Variants in ANKRD33B observed in about 807,000 individuals in gnomAD.
The protein encoded by ANKRD33B is ankyrin repeat domain-containing protein 33B.
ANKRD33B carries 6 observed loss-of-function variants against 21.5 expected under a neutral mutation model. The observed-to-expected ratio is 0.28, with a 90% CI of 0.15 to 0.55. The LOEUF (loss-of-function observed/expected upper bound fraction) is 0.55, where lower values mean the gene tolerates loss of function less well. Among genes scored for constraint, ANKRD33B ranks in the 20% least tolerant of loss-of-function variants. The pLI is 0.94. For synonymous variants in ANKRD33B, 347 were observed against 342.4 expected, an observed-to-expected ratio of 1.01 and a Z score of -0.15; for missense variants, 698 against 747.2, an observed-to-expected ratio of 0.93 and a Z score of 0.77.
rs1288184292 is a variant in ANKRD33B, at chr5:10,564,718, C to T, written c.251C>T (p.Pro84Leu). 5 of 1,533,446 alleles carry T rather than the reference C, an allele frequency of 3.3e-6. No homozygotes were observed. In the East Asian group the frequency reaches 1.2e-4, roughly 38 times the overall value. The allele number at this position is 1,533,446 out of a possible 1,614,324, so 95.0% of individuals were successfully genotyped here. ...CCGGAGGGCGTCCCGGAAAGCGTCC[C>T]GGAGACGGCGACCCTCCTGCGCGCC... The part of the protein sequence containing the change: ...SVPEGVPESV[P>L]ETATLLRAAC... Residue 84 changes from proline (P) to leucine (L), a missense_variant, in exon 1 of 4, where the codon CCG (proline) becomes CTG (leucine). Pro to Leu is a moderately conservative substitution (Grantham distance 98). Transcript: ENST00000296657.
At chr5:10,615,520 GAC>G (rs1736266061) in intron 1 of ANKRD33B, among the ~76,000 whole-genome samples, 3 of 152,184 alleles carry the variant, frequency 2.0e-5, no homozygotes, top group Admixed American at 1.3e-4. Context: ...CAGGAATTTT[GAC>G]ACAGAGTTAC....
Position 10,650,401 on chromosome 5 carries a change from A to G in ANKRD33B, c.*288A>G. 4.0e-6 allele frequency: 1 copy of G among 250,136 alleles called. No homozygotes were observed. Among genetic ancestry groups the G allele is most frequent in the Admixed American group, 5.5e-5 (1 of 18,066 alleles). 15.5% of individuals were successfully genotyped at this position (250,136 alleles called of 1,614,324 possible). ...CAATTAAGATTTTTTTTAAAGATCA[A>G]TTTATCAAAGGGCGTTTTCTCCGTA... On this transcript the variant is annotated 3_prime_UTR_variant, in exon 4 of 4. Coordinates refer to ENST00000296657, the MANE Select transcript of ANKRD33B (RefSeq NM_001164440.2).
intron 2 of ANKRD33B, among the ~76,000 whole-genome samples, chr5:10,636,036 A>C (rs1221853580): frequency 1.3e-5 from 2 of 152,282 alleles, no homozygotes; most frequent in East Asian, 3.9e-4. Context: ...CCGACCCCAG[A>C]GTGATGTCCT....
In ANKRD33B at chr5:10,649,945, G is replaced by A. The variant is rs1029188338; in HGVS notation, c.1317G>A (p.Glu439=). 4 of 1,529,172 alleles carry A rather than the reference G, an allele frequency of 2.6e-6. No individual in the cohort carries two copies. Among genetic ancestry groups the A allele is most frequent in the African/African-American group, 2.8e-5 (2 of 72,008 alleles). 94.7% of individuals were successfully genotyped at this position (1,529,172 alleles called of 1,614,324 possible). Residue 439 remains glutamate (E), a synonymous_variant, in exon 4 of 4, where the codon GAG becomes GAA. Transcript: ENST00000296657. ...SKAPAPTFQP[E]RPARKGSTKD... ...CGCCCGCGCCCACCTTCCAGCCCGA[G>A]CGGCCGGCGCGGAAGGGCAGCACCA...
intron 1 of ANKRD33B, among the ~76,000 whole-genome samples, chr5:10,577,412 C>T (rs1003584637): frequency 2.6e-5 from 4 of 152,226 alleles, no homozygotes; most frequent in Admixed American, 6.5e-5. Flanking sequence ...CGTGAGCCAC[C>T]GCGCCCGGCC....
intron 3 of ANKRD33B, 92 bp from the exon 4 acceptor site, chr5:10,649,173 TG>T: frequency 7.1e-7 from 1 of 1,410,592 alleles, no homozygotes; most frequent in East Asian, 2.6e-5. Flanking sequence ...GGGTGGGGGG[TG>T]GGGGCAGTTT....
At chr5:10,586,541 C>T (rs1264542608) in intron 1 of ANKRD33B, among the ~76,000 whole-genome samples, 1 of 142,790 alleles carries the variant, frequency 7.0e-6, no homozygotes, top group Non-Finnish European at 1.5e-5. Context: ...GTGTATACTG[C>T]TTTCTTCTCT....
intron 1 of ANKRD33B, among the ~76,000 whole-genome samples, chr5:10,573,113 T>G (rs955838859): frequency 2.6e-5 from 4 of 152,220 alleles, no homozygotes; most frequent in African/African-American, 9.6e-5. Flanking sequence ...TATCTCTGAC[T>G]TAGTAGAAAT....
At chr5:10,645,091 T>C (rs58403693) in intron 3 of ANKRD33B, among the ~76,000 whole-genome samples, 63,597 of 151,798 alleles carry the variant, frequency 0.42, 13,552 homozygotes, top group Middle Eastern at 0.55. Flanking sequence ...TGCTATGTGG[T>C]GGGGGTGGCT....
At position 10,649,805 on chromosome 5, in the gene ANKRD33B, TC is replaced by T; in HGVS notation, c.1180del (p.Arg394GlyfsTer182). 2 of 1,389,290 alleles carry T rather than the reference TC, an allele frequency of 1.4e-6. No individual in the cohort carries two copies. The highest frequency in any genetic ancestry group is 9.3e-7 in the Non-Finnish European group (1 of 1,077,790). 86.1% of individuals were successfully genotyped at this position (1,389,290 alleles called of 1,614,324 possible). A position where few individuals can be genotyped will look rare whatever the true frequency, so the allele number is the denominator to read the frequency against. ...AGCCGGCCTCCCTCCCGCCCTGGGG[TC>T]CCGGGGCCCCGCAGCGCCCGCCCCG... ...PRAGLPPALG[S>X]RGPAAPAPRK... On this transcript the variant is annotated frameshift_variant, in exon 4 of 4. Coordinates refer to ENST00000296657, the MANE Select transcript of ANKRD33B (RefSeq NM_001164440.2). LOFTEE classifies it high-confidence loss of function.
chr5:10,638,161 G>C lies in ANKRD33B; in HGVS notation c.630G>C (p.Met210Ile). Residue 210 changes from methionine (M) to isoleucine (I), a missense_variant, in exon 3 of 4, where the codon ATG (methionine) becomes ATC (isoleucine). Physicochemically the swap from Met to Ile is conservative, Grantham distance 10 (BLOSUM62 1). This residue lies in a region of ANKRD33B where 543 missense variants were observed against 566.5 expected (regional missense o/e 0.96). Coordinates refer to ENST00000296657, the MANE Select transcript of ANKRD33B (RefSeq NM_001164440.2). ...GAACGGACTGCATCCGAGCCCTGAT[G>C]CTAGCAGGTATGTCCACCTGTCCTG... The part of the protein sequence containing the change: ...QGRTDCIRAL[M>I]LAGADVHARD... 1 of 1,537,402 alleles carries C rather than the reference G, an allele frequency of 6.5e-7. No individual in the cohort carries two copies. The highest frequency in any genetic ancestry group is 1.2e-5 in the South Asian group (1 of 84,054).
chr5:10,617,832 T>C (rs1347898755), intron 1 of ANKRD33B, among the ~76,000 whole-genome samples: 1 of 152,196 alleles, frequency 6.6e-6, no homozygotes, highest in Non-Finnish European at 1.5e-5. Flanking sequence ...GGGCCCTTGC[T>C]TGAGCTGTTT....
rs376652791 is a variant in ANKRD33B at position 10,574,593 on chromosome 5, A to C, written c.366+9760A>C. Among the ~76,000 whole-genome samples, 104 of 152,358 alleles carry C rather than the reference A, an allele frequency of 6.8e-4. 1 individual carries two copies. The highest frequency in any genetic ancestry group is 2.4e-3 in the African/African-American group (100 of 41,580). Reference sequence around the variant, plus strand: ...AAGAAATAATCAAATGAAAAGCAGAAATTGATGAAATCATGAAGATTATAG... The same window carrying C: ...AAGAAATAATCAAATGAAAAGCAGACATTGATGAAATCATGAAGATTATAG... On this transcript the variant is annotated intron_variant, in intron 1 of 3. Coordinates refer to ENST00000296657, the MANE Select transcript of ANKRD33B (RefSeq NM_001164440.2).
Position 10,652,180 on chromosome 5 carries a change from C to T in ANKRD33B, c.*2067C>T, listed in dbSNP as rs1737373913. ...CCACGAGCCCCACCCTCACCTCTGT[C>T]AACCGAGGACCCAGCCAGGCAGTGC... On this transcript the variant is annotated 3_prime_UTR_variant, in exon 4 of 4. Coordinates refer to ENST00000296657, the MANE Select transcript of ANKRD33B (RefSeq NM_001164440.2). This position sits in a 1 kb window ranked among gnomAD's most constrained non-coding sequence, Gnocchi z 4.1. The T allele has an allele frequency of 6.6e-6, 1 of 152,516 alleles. No homozygotes were observed. The highest frequency in any genetic ancestry group is 6.5e-5 in the Admixed American group (1 of 15,290). The allele number at this position is 152,516 out of a possible 1,614,324, so 9.4% of individuals were successfully genotyped here. A position where few individuals can be genotyped will look rare whatever the true frequency, so the allele number is the denominator to read the frequency against.
chr5:10,637,941 T>C, intron 2 of ANKRD33B, 87 bp from the exon 3 acceptor site: 1 of 1,446,020 alleles, frequency 6.9e-7, no homozygotes, highest in Non-Finnish European at 9.2e-7. Flanking sequence ...TGACTCAGTG[T>C]TTCTTTCTCT....
At chr5:10,630,668 C>A (rs937152965) in intron 2 of ANKRD33B, among the ~76,000 whole-genome samples, 6 of 151,998 alleles carry the variant, frequency 3.9e-5, no homozygotes, top group Non-Finnish European at 5.9e-5. Flanking sequence ...AGGAATTTTC[C>A]ATTTTTCTGC....
At chr5:10,600,957 T>TAA (rs11400350) in intron 1 of ANKRD33B, among the ~76,000 whole-genome samples, 21 of 150,948 alleles carry the variant, frequency 1.4e-4, no homozygotes, top group African/African-American at 4.4e-4. Context: ...TTTTGTACAT[T>TAA]AAAAAAAAAT....
intron 1 of ANKRD33B, among the ~76,000 whole-genome samples, chr5:10,565,058 G>C (rs2126539557): frequency 6.6e-6 from 1 of 152,352 alleles, no homozygotes; most frequent in East Asian, 1.9e-4. Context: ...CGAGGTGTCA[G>C]CGCGGCAGAA....
chr5:10,645,637 T>C (rs1737173728), intron 3 of ANKRD33B, among the ~76,000 whole-genome samples: 1 of 152,178 alleles, frequency 6.6e-6, no homozygotes, highest in Non-Finnish European at 1.5e-5. Context: ...TCCTGTCCAT[T>C]TGGCTCCCCT....
Sources: gnomAD v4.1 joint callset for allele counts (sites outside exome capture counted in the v4.1 genomes callset) on GRCh38, gnomAD v4.1.1 for gene constraint, gnomAD v4.1.1 regional missense constraint, Gnocchi (gnomAD v3.1) non-coding constraint, MANE v1.5 for transcripts, NCBI Gene and HGNC (gene_info 2026-07-23, HGNC 2026-07-21) for gene names.